Variants in SLCO3A1 observed in about 807,000 individuals in gnomAD.
The protein encoded by SLCO3A1 is solute carrier organic anion transporter family member 3A1.
In SLCO3A1, 27 loss-of-function variants were observed where a neutral mutation model predicts 63.1. That is an observed-to-expected ratio of 0.43 (90% CI 0.32 to 0.59). SLCO3A1 has a LOEUF of 0.59. SLCO3A1 is among the 20% of genes least tolerant of loss of function. The pLI is 0.09. For synonymous variants in SLCO3A1, 473 were observed against 409.9 expected (o/e 1.15, Z -1.86); for missense variants, 773 against 945.8 (o/e 0.82, Z 2.40).
intron 2 of SLCO3A1, among the ~76,000 whole-genome samples, chr15:91,934,643 T>C (rs1435081140): frequency 2.6e-5 from 4 of 152,246 alleles, no homozygotes; most frequent in African/African-American, 7.2e-5. Context: ...ACTACTACAT[T>C]GCAAATCTAT....
At chr15:92,092,222 C>G (rs1256642435) in intron 2 of SLCO3A1, among the ~76,000 whole-genome samples, 1 of 152,138 alleles carries the variant, frequency 6.6e-6, no homozygotes, top group East Asian at 1.9e-4. Flanking sequence ...TTGGTTGTTT[C>G]TGTTTTTCCA....
intron 1 of SLCO3A1, among the ~76,000 whole-genome samples, chr15:91,901,221 C>T (rs1309529182): frequency 6.6e-6 from 1 of 152,084 alleles, no homozygotes; most frequent in East Asian, 1.9e-4. Flanking sequence ...CAGATCAGTA[C>T]TAAAATTCTC....
intron 2 of SLCO3A1, among the ~76,000 whole-genome samples, chr15:92,084,449 G>A (rs2047382231): frequency 6.6e-6 from 1 of 152,144 alleles, no homozygotes; most frequent in African/African-American, 2.4e-5. Context: ...AACTGAGGCC[G>A]AGGGAGCATT....
At chr15:91,891,698 G>A (rs115985305) in intron 1 of SLCO3A1, among the ~76,000 whole-genome samples, 236 of 152,310 alleles carry the variant, frequency 1.5e-3, no homozygotes, top group African/African-American at 5.5e-3. Flanking sequence ...CTACTGTACA[G>A]CAATCTGTAA....
chr15:92,059,809 T>C (rs2047064838), intron 2 of SLCO3A1, among the ~76,000 whole-genome samples: 1 of 152,230 alleles, frequency 6.6e-6, no homozygotes, highest in East Asian at 1.9e-4. Flanking sequence ...TGCATATCAC[T>C]GTAGTCAGTC....
chr15:91,854,113 G>A lies in SLCO3A1; in HGVS notation c.180+25G>A, dbSNP rs757903880. 5.5e-6 allele frequency: 8 copies of A among 1,455,192 alleles called. No individual in the cohort carries two copies. The highest frequency in any genetic ancestry group is 5.5e-6 in the Non-Finnish European group (6 of 1,094,922). The allele number at this position is 1,455,192 out of a possible 1,614,324, so 90.1% of individuals were successfully genotyped here. On this transcript the variant is annotated intron_variant, in intron 1 of 9. Coordinates refer to ENST00000318445, the MANE Select transcript of SLCO3A1 (RefSeq NM_013272.4). The surrounding 1 kb of genome is among the most constrained non-coding windows in gnomAD (Gnocchi z 6.4). Reference sequence around the variant, plus strand: ...GGTGAGTCCCCGAGCCAACTCCGCCGCGGGCCCCTTCCCCAGCCCGGCTCT... The same window carrying A: ...GGTGAGTCCCCGAGCCAACTCCGCCACGGGCCCCTTCCCCAGCCCGGCTCT...
intron 1 of SLCO3A1, among the ~76,000 whole-genome samples, chr15:91,857,402 G>A (rs1167925332): frequency 1.3e-5 from 2 of 152,190 alleles, no homozygotes; most frequent in African/African-American, 4.8e-5. Flanking sequence ...TCACAGGGAT[G>A]TTCCATCATA....
intron 2 of SLCO3A1, among the ~76,000 whole-genome samples, chr15:92,008,629 C>T (rs1474439226): frequency 6.6e-6 from 1 of 152,148 alleles, no homozygotes; most frequent in Non-Finnish European, 1.5e-5. Flanking sequence ...AATCATAAAT[C>T]AGGTTTAAAA....
chr15:91,932,293 A>G (rs1259203940), intron 2 of SLCO3A1, among the ~76,000 whole-genome samples: 2 of 152,194 alleles, frequency 1.3e-5, no homozygotes, highest in Non-Finnish European at 1.5e-5. Context: ...AACTTAAAAC[A>G]TATTCAAAAT....
chr15:92,153,386 A>G (rs768992861), intron 9 of SLCO3A1: 5 of 152,172 alleles, frequency 3.3e-5, no homozygotes, highest in Admixed American at 2.0e-4. Context: ...TGAGTCTCCA[A>G]TTAGAGGCTG....
chr15:92,094,570 G>A (rs180893434), intron 2 of SLCO3A1, among the ~76,000 whole-genome samples: 253 of 152,258 alleles, frequency 1.7e-3, no homozygotes, highest in Non-Finnish European at 2.7e-3. Context: ...AGTGTGGATG[G>A]CAGAAAAAAT....
In SLCO3A1 at chr15:91,859,934, C is replaced by T. The variant is rs991008376; in HGVS notation, c.180+5846C>T. Among the ~76,000 whole-genome samples, 2 of 152,178 alleles carry T rather than the reference C, an allele frequency of 1.3e-5. No homozygotes were observed. The highest frequency in any genetic ancestry group is 4.8e-5 in the African/African-American group (2 of 41,442). On this transcript the variant is annotated intron_variant, in intron 1 of 9. Transcript: ENST00000318445. The surrounding 1 kb of genome is among the most constrained non-coding windows in gnomAD (Gnocchi z 5.1). Reference sequence around the variant, plus strand: ...CAAGTAGTTTCCTATTCTACATGGACATTTTTGTCTGGGAGGTAAAAAGTT... The same window carrying T: ...CAAGTAGTTTCCTATTCTACATGGATATTTTTGTCTGGGAGGTAAAAAGTT...
At chr15:91,926,596 T>TGTGCGCGCGCGC in intron 2 of SLCO3A1, among the ~76,000 whole-genome samples, 1 of 105,318 alleles carries the variant, frequency 9.5e-6, no homozygotes, top group African/African-American at 3.6e-5. Context: ...TGTGTGTGTG[T>TGTGCGCGCGCGC]GCGCGCGCGC....
chr15:92,105,024 T>A (rs1023967901), intron 4 of SLCO3A1, among the ~76,000 whole-genome samples: 1 of 150,294 alleles, frequency 6.7e-6, no homozygotes, highest in African/African-American at 2.4e-5. Context: ...CCCAGCCCTT[T>A]GGGAAGCCAA....
chr15:91,913,214 A>G (rs1048869266), intron 1 of SLCO3A1, among the ~76,000 whole-genome samples: 3 of 152,262 alleles, frequency 2.0e-5, no homozygotes, highest in South Asian at 2.1e-4. Flanking sequence ...TGACTTGTCT[A>G]GAAAGCACAA....
chr15:91,957,234 G>A (rs1269676016), intron 2 of SLCO3A1, among the ~76,000 whole-genome samples: 18 of 131,412 alleles, frequency 1.4e-4, no homozygotes, highest in Admixed American at 3.6e-4. Context: ...CATATGATCC[G>A]CTGGCTAGGA....
intron 2 of SLCO3A1, among the ~76,000 whole-genome samples, chr15:92,081,927 A>G (rs1482167090): frequency 6.6e-6 from 1 of 152,226 alleles, no homozygotes; most frequent in Non-Finnish European, 1.5e-5. Flanking sequence ...TATCTGATCT[A>G]AGAGGTCAAC....
intron 1 of SLCO3A1, among the ~76,000 whole-genome samples, chr15:91,899,914 A>G (rs1208885537): frequency 6.6e-6 from 1 of 152,258 alleles, no homozygotes; most frequent in Non-Finnish European, 1.5e-5. Flanking sequence ...AGGTTAATCT[A>G]CATCATAGCA....
intron 2 of SLCO3A1, among the ~76,000 whole-genome samples, chr15:91,963,336 T>A (rs931250910): frequency 6.8e-6 from 1 of 146,674 alleles, no homozygotes; most frequent in Middle Eastern, 3.2e-3. Flanking sequence ...TTATGGAGGC[T>A]ACCCTGTTCA....
Sources: gnomAD v4.1 joint callset for allele counts (sites outside exome capture counted in the v4.1 genomes callset) on GRCh38, gnomAD v4.1.1 for gene constraint, Gnocchi (gnomAD v3.1) non-coding constraint, MANE v1.5 for transcripts, NCBI Gene and HGNC (gene_info 2026-07-23, HGNC 2026-07-21) for gene names.